The following FMNL2 variants were observed in gnomAD, a reference collection of about 807,000 sequenced individuals.
FMNL2 encodes formin like 2.
A neutral mutation model predicts 130.2 loss-of-function variants in FMNL2; 51 were observed. The ratio of observed to expected loss-of-function variants is 0.39; its 90% CI spans 0.31 to 0.49. FMNL2 has a LOEUF of 0.49. Ranked by LOEUF, FMNL2 falls within the 20% of genes least tolerant of loss-of-function variation. The probability of loss-of-function intolerance (pLI) is 0.85; values close to 1 mark genes in which losing one functional copy is unlikely to be tolerated. For missense variants in FMNL2, 977 were observed against 1,316.2 expected (o/e 0.74, Z 3.99); for synonymous variants, 465 against 467.1 (o/e 1.00, Z 0.06).
At chr2:152,390,691 T>A in intron 1 of FMNL2, 1 of 753,432 alleles carries the variant, frequency 1.3e-6, no homozygotes, top group Non-Finnish European at 2.5e-6. Flanking sequence ...TCCAACCTTC[T>A]TTCCCACTCT....
chr2:152,502,622 G>C lies in FMNL2; in HGVS notation c.118-19321G>C, dbSNP rs989611332. Among the ~76,000 whole-genome samples, 9 of 152,332 alleles carry C rather than the reference G, an allele frequency of 5.9e-5. No individual in the cohort carries two copies. In the East Asian group the frequency reaches 1.5e-3, roughly 26 times the overall value. ...GAATTGCTTGAACCTGGGAGGCAGA[G>C]ATTGCAGTGAGTCAAGGTCGTGCCA... On this transcript the variant is annotated intron_variant, in intron 1 of 25. Transcript: ENST00000288670.
intron 3 of FMNL2, among the ~76,000 whole-genome samples, 163 bp downstream of exon 3, chr2:152,542,982 A>C (rs1387090745): frequency 6.6e-6 from 1 of 152,194 alleles, no homozygotes; most frequent in Non-Finnish European, 1.5e-5. Context: ...AAAGGAAAAA[A>C]AACAACCTTC....
chr2:152,363,601 G>A (rs1388440632), intron 1 of FMNL2, among the ~76,000 whole-genome samples: 4 of 151,102 alleles, frequency 2.6e-5, no homozygotes, highest in East Asian at 1.9e-4. Flanking sequence ...TCGCTCTGTC[G>A]CCCAGGCTGG....
intron 9 of FMNL2, among the ~76,000 whole-genome samples, chr2:152,596,640 G>T (rs1416189717): frequency 6.6e-6 from 1 of 152,166 alleles, no homozygotes; most frequent in African/African-American, 2.4e-5. Flanking sequence ...AAAATTTCAG[G>T]CCAGGCATGG....
chr2:152,487,324 G>A (rs769190198), intron 1 of FMNL2, among the ~76,000 whole-genome samples: 1 of 152,138 alleles, frequency 6.6e-6, no homozygotes, highest in African/African-American at 2.4e-5. Context: ...TCAATCATAA[G>A]TTATAGATAA....
At chr2:152,432,588 C>T (rs1687555703) in intron 1 of FMNL2, among the ~76,000 whole-genome samples, 1 of 152,160 alleles carries the variant, frequency 6.6e-6, no homozygotes, top group Admixed American at 6.6e-5. Context: ...CCTTGTGTGA[C>T]CTTTAGCCTG....
At chr2:152,431,625 G>A (rs1687495508) in intron 1 of FMNL2, among the ~76,000 whole-genome samples, 1 of 152,104 alleles carries the variant, frequency 6.6e-6, no homozygotes, top group Non-Finnish European at 1.5e-5. Context: ...AAAACTTGGA[G>A]TACCTTGACC....
At chr2:152,617,349 A>G (rs756580865) in intron 13 of FMNL2, among the ~76,000 whole-genome samples, 157 bp downstream of exon 13, 1 of 152,238 alleles carries the variant, frequency 6.6e-6, no homozygotes, top group Non-Finnish European at 1.5e-5. Flanking sequence ...TGAAAACTAC[A>G]CATAGTCGGC....
At chr2:152,639,836 T>TGGTGAC in intron 23 of FMNL2, 122 bp from the exon 24 acceptor site, 1 of 591,692 alleles carries the variant, frequency 1.7e-6, no homozygotes, top group Non-Finnish European at 2.5e-6. Context: ...GTGTAGATCT[T>TGGTGAC]CTCAACCTTC....
intron 9 of FMNL2, among the ~76,000 whole-genome samples, chr2:152,590,002 T>TGTATATGTATGTATATGTATAA (rs1553482718): frequency 7.1e-6 from 1 of 140,026 alleles, no homozygotes. Flanking sequence ...TATATGTATA[T>TGTATATGTATGTATATGTATAA]ATATATACAT....
chr2:152,373,425 TGA>T (rs1307221446), intron 1 of FMNL2, among the ~76,000 whole-genome samples: 1 of 152,158 alleles, frequency 6.6e-6, no homozygotes, highest in East Asian at 1.9e-4. Flanking sequence ...TTTAGTTCAA[TGA>T]GATTTTGAAG....
intron 2 of FMNL2, chr2:152,539,482 C>T (rs1694184381): frequency 6.6e-6 from 1 of 152,204 alleles, no homozygotes; most frequent in Admixed American, 6.5e-5. Flanking sequence ...AGGCAAATGG[C>T]CCCACCTGAG....
intron 1 of FMNL2, among the ~76,000 whole-genome samples, chr2:152,435,549 A>C (rs1331736723): frequency 1.3e-5 from 2 of 151,818 alleles, no homozygotes; most frequent in East Asian, 3.9e-4. Context: ...TGATATTAGG[A>C]TATTAGGAAG....
chr2:152,516,108 T>G lies in FMNL2; in HGVS notation c.118-5835T>G, dbSNP rs1692751785. Reference sequence around the variant, plus strand: ...GCCATCCAGTTGAAATCCATCCCATTTCCTTTTTTGTAGCGACAAGTAATG... The same window carrying G: ...GCCATCCAGTTGAAATCCATCCCATGTCCTTTTTTGTAGCGACAAGTAATG... On this transcript the variant is annotated intron_variant, in intron 1 of 25. Transcript: ENST00000288670. Among the ~76,000 whole-genome samples, 3 of 152,116 alleles carry G rather than the reference T, an allele frequency of 2.0e-5. No individual in the cohort carries two copies. In the South Asian group the frequency reaches 6.2e-4, roughly 32 times the overall value.
At chr2:152,514,005 C>T (rs1264075025) in intron 1 of FMNL2, among the ~76,000 whole-genome samples, 2 of 152,032 alleles carry the variant, frequency 1.3e-5, no homozygotes, top group Non-Finnish European at 2.9e-5. Flanking sequence ...TTGTTTGGAC[C>T]ATGAATATAG....
At chr2:152,450,413 C>T (rs942378839) in intron 1 of FMNL2, among the ~76,000 whole-genome samples, 1 of 152,186 alleles carries the variant, frequency 6.6e-6, no homozygotes, top group Admixed American at 6.5e-5. Flanking sequence ...CCTTCAGGTA[C>T]TAAAGGCTTT....
At chr2:152,557,895 G>A (rs1370504) in intron 4 of FMNL2, among the ~76,000 whole-genome samples, 1 of 151,936 alleles carries the variant, frequency 6.6e-6, no homozygotes, top group Non-Finnish European at 1.5e-5. Context: ...TTGAAACTTA[G>A]TGAAGGTTTA....
chr2:152,468,528 A>G lies in FMNL2; in HGVS notation c.118-53415A>G, dbSNP rs147220187. On this transcript the variant is annotated intron_variant, in intron 1 of 25. Transcript: ENST00000288670. ...CTGCTGAAAATTTAGCATGTGAATT[A>G]CAATGTGCTGTAAGTAAAAATACAC... Among the ~76,000 whole-genome samples, 306 of 152,330 alleles carry G rather than the reference A, an allele frequency of 2.0e-3. 1 individual carries two copies. The highest frequency in any genetic ancestry group is 7.2e-3 in the African/African-American group (298 of 41,570).
intron 1 of FMNL2, among the ~76,000 whole-genome samples, chr2:152,397,201 C>CT (rs942086658): frequency 2.3e-4 from 35 of 151,532 alleles, no homozygotes; most frequent in African/African-American, 5.8e-4. Flanking sequence ...GAGAAGAAAT[C>CT]TTTTTTTTTC....
Sources: gnomAD v4.1 joint callset for allele counts (sites outside exome capture counted in the v4.1 genomes callset) on GRCh38, gnomAD v4.1.1 for gene constraint, MANE v1.5 for transcripts, NCBI Gene and HGNC (gene_info 2026-07-23, HGNC 2026-07-21) for gene names.